The following IRAG2 variants were observed in gnomAD, a reference collection of about 807,000 sequenced individuals.
IRAG2 encodes inositol 1,4,5-triphosphate receptor associated 2, also known as lymphoid restricted membrane protein.
IRAG2 carries 45 observed loss-of-function variants against 69.9 expected under a neutral mutation model. The observed-to-expected ratio is 0.64, with a 90% CI of 0.51 to 0.83. The LOEUF is 0.83. Among genes scored for constraint, IRAG2 ranks in the 40% least tolerant of loss-of-function variants. The probability of loss-of-function intolerance (pLI) is 0.00; values close to 1 mark genes in which losing one functional copy is unlikely to be tolerated. For missense variants in IRAG2, 520 were observed against 587.0 expected (o/e 0.89, Z 1.18); for synonymous variants, 193 against 202.4 (o/e 0.95, Z 0.40).
chr12:25,076,722 T>C (rs998126879), intron 6 of IRAG2: 2 of 487,160 alleles, frequency 4.1e-6, no homozygotes, highest in Admixed American at 6.4e-5. Context: ...ATGCTACAGA[T>C]AGTAACAATG....
upstream of IRAG2, among the ~76,000 whole-genome samples, chr12:25,000,777 C>G (rs2139808605): frequency 6.6e-6 from 1 of 152,314 alleles, no homozygotes; most frequent in African/African-American, 2.4e-5. Context: ...GAGGGAAATT[C>G]CTTTTAAAAG....
chr12:25,090,910 T>G, intron 14 of IRAG2: 1 of 448,008 alleles, frequency 2.2e-6, no homozygotes, highest in Non-Finnish European at 4.5e-6. Context: ...TATGATTAAC[T>G]GAGGAAAGAG....
chr12:25,000,904 GTA>G (rs1944387090), upstream of IRAG2, among the ~76,000 whole-genome samples: 1 of 152,212 alleles, frequency 6.6e-6, no homozygotes, highest in African/African-American at 2.4e-5. Flanking sequence ...GTATTTTTAA[GTA>G]TTCTGGCAGA....
upstream of IRAG2, among the ~76,000 whole-genome samples, chr12:25,003,261 A>G (rs1944405714): frequency 6.6e-6 from 1 of 152,250 alleles, no homozygotes; most frequent in Non-Finnish European, 1.5e-5. Flanking sequence ...TTTTGAAATC[A>G]GTAATTCCAT....
intron 16 of IRAG2, among the ~76,000 whole-genome samples, chr12:25,101,527 C>T (rs1442478975): frequency 1.3e-5 from 2 of 152,114 alleles, no homozygotes; most frequent in African/African-American, 4.8e-5. Flanking sequence ...TTAGTAATGA[C>T]ACCAAAAATT....
rs552182236 is a variant in IRAG2 at position 25,089,281 on chromosome 12, A to G, written c.374-333A>G. Among the ~76,000 whole-genome samples the G allele has an allele frequency of 3.3e-5, 5 of 152,352 alleles. No homozygotes were observed. The South Asian group carries it at 1.0e-3, about 32-fold the overall frequency. ...CCTTGATCCAAAGAAGAACCAGGATACCAGTAGGAGGTTTAGGCTTTTAGC... is the reference window on the plus strand; with the variant it reads ...CCTTGATCCAAAGAAGAACCAGGATGCCAGTAGGAGGTTTAGGCTTTTAGC... On this transcript the variant is annotated intron_variant, in intron 11 of 21. Coordinates refer to ENST00000556887, the MANE Select transcript of IRAG2 (RefSeq NM_001366544.2).
chr12:25,033,952 G>T, intron 13 of IRAG2: 1 of 398,948 alleles, frequency 2.5e-6, no homozygotes. Flanking sequence ...GCAGAGGTAG[G>T]TCATTATAAG....
chr12:25,069,208 G>A, intron 5 of IRAG2, 142 bp from the exon 6 acceptor site: 2 of 505,966 alleles, frequency 4.0e-6, no homozygotes, highest in Non-Finnish European at 3.5e-6. Flanking sequence ...TTCATTATGT[G>A]TTACTTAAAC....
exon 14 of IRAG2, chr12:25,035,704 G>A (rs1233836250): frequency 7.5e-6 from 3 of 398,908 alleles, no homozygotes; most frequent in Non-Finnish European, 8.8e-6. Context: ...ATCTCTGGAC[G>A]CCATGATGGA....
intron 16 of IRAG2, among the ~76,000 whole-genome samples, chr12:25,043,002 TA>T (rs61246525): frequency 7.7e-4 from 110 of 142,810 alleles, no homozygotes; most frequent in African/African-American, 7.7e-4. Context: ...TCTTTGAAAT[TA>T]AAAAAAAAAA....
At chr12:25,057,580 T>C (rs1297962135) in intron 1 of IRAG2, among the ~76,000 whole-genome samples, 1 of 152,156 alleles carries the variant, frequency 6.6e-6, no homozygotes, top group East Asian at 1.9e-4. Flanking sequence ...TTTAGTGGTT[T>C]CTTCTTAACC....
At chr12:25,030,957 T>C (rs1591931399) in intron 10 of IRAG2, 1 of 877,678 alleles carries the variant, frequency 1.1e-6, no homozygotes, top group Non-Finnish European at 1.4e-6. Flanking sequence ...ATTAGATAGA[T>C]ACATAGATAG....
At position 25,079,097 on chromosome 12, in the gene IRAG2, A is replaced by G. The variant is rs1947021584; in HGVS notation, c.25-147A>G. The G allele has an allele frequency of 6.9e-6, 5 of 726,392 alleles. No individual in the cohort carries two copies. In the South Asian group the frequency reaches 8.2e-5, roughly 12 times the overall value. 45.0% of individuals were successfully genotyped at this position (726,392 alleles called of 1,614,324 possible). ...GGAAGTGTGTATATCCATCTGCCCT[A>G]TACCATCCCATTCCCATATCCTTTC... is the stretch of plus-strand genomic sequence containing the variant. On this transcript the variant is annotated intron_variant, in intron 6 of 21. Transcript: ENST00000556887.
chr12:25,046,628 TA>T (rs1025856187), intron 16 of IRAG2, among the ~76,000 whole-genome samples: 7 of 151,852 alleles, frequency 4.6e-5, no homozygotes, highest in Non-Finnish European at 8.8e-5. Flanking sequence ...TTTAAAGAGG[TA>T]AAAAACATAT....
intron 10 of IRAG2, among the ~76,000 whole-genome samples, chr12:25,084,524 G>A (rs1947440482): frequency 6.7e-6 from 1 of 150,250 alleles, no homozygotes; most frequent in Non-Finnish European, 1.5e-5. Context: ...GTCTTGCTAT[G>A]TTGTATGCAT....
intron 5 of IRAG2, chr12:25,015,484 T>G: frequency 9.4e-7 from 1 of 1,065,210 alleles, no homozygotes; most frequent in Non-Finnish European, 1.2e-6. Flanking sequence ...TCTTGTTTAT[T>G]TCATAAATCT....
At chr12:25,041,681 T>TG (rs1362114761) in intron 16 of IRAG2, among the ~76,000 whole-genome samples, 7 of 150,466 alleles carry the variant, frequency 4.7e-5, no homozygotes, top group Admixed American at 1.3e-4. Flanking sequence ...TGTTTTTTTT[T>TG]TTTTCAGTAG....
At chr12:25,030,942 G>A in intron 10 of IRAG2, 1 of 805,142 alleles carries the variant, frequency 1.2e-6, no homozygotes, top group Non-Finnish European at 1.5e-6. Context: ...CAATTTGATT[G>A]ATTGATTAGA....
At chr12:25,044,102 A>G (rs967988286) in intron 16 of IRAG2, among the ~76,000 whole-genome samples, 4 of 152,218 alleles carry the variant, frequency 2.6e-5, no homozygotes, top group African/African-American at 9.6e-5. Context: ...TTTATGATAC[A>G]TAACTAAAAA....
Sources: allele counts gnomAD v4.1 joint callset (sites outside exome capture counted in the v4.1 genomes callset), GRCh38; gene constraint gnomAD v4.1.1; transcripts MANE v1.5; gene names NCBI Gene and HGNC (gene_info 2026-07-23, HGNC 2026-07-21).